Variants in PARVA observed in about 807,000 individuals in gnomAD.
PARVA encodes parvin alpha, also known as alpha-parvin.
PARVA carries 25 observed loss-of-function variants against 52.6 expected under a neutral mutation model. That is an observed-to-expected ratio of 0.48 (90% CI 0.35 to 0.66). The LOEUF (loss-of-function observed/expected upper bound fraction) is 0.66, where lower values mean the gene tolerates loss of function less well. Among genes scored for constraint, PARVA ranks in the 30% least tolerant of loss-of-function variants. The probability of loss-of-function intolerance (pLI) is 0.01; values close to 1 mark genes in which losing one functional copy is unlikely to be tolerated. For missense variants in PARVA, 373 were observed against 450.9 expected, an observed-to-expected ratio of 0.83 and a Z score of 1.56; for synonymous variants, 185 against 179.1, an observed-to-expected ratio of 1.03 and a Z score of -0.26.
chr11:12,427,397 G>A (rs1940252362), intron 1 of PARVA, among the ~76,000 whole-genome samples: 1 of 152,176 alleles, frequency 6.6e-6, no homozygotes, highest in Non-Finnish European at 1.5e-5. Context: ...CAGTCTTCAT[G>A]ACCCTGTTCA....
At chr11:12,421,775 A>G (rs547032311) in intron 1 of PARVA, among the ~76,000 whole-genome samples, 1 of 152,364 alleles carries the variant, frequency 6.6e-6, no homozygotes, top group East Asian at 1.9e-4. Context: ...TCCATTCCTT[A>G]ATCCACATAA....
intron 1 of PARVA, among the ~76,000 whole-genome samples, chr11:12,381,333 G>A (rs1268527073): frequency 2.6e-5 from 4 of 152,058 alleles, no homozygotes; most frequent in African/African-American, 9.7e-5. Context: ...TTTCTCTTTG[G>A]TGTTCTTGAA....
chr11:12,416,124 C>T (rs1940061791), intron 1 of PARVA, among the ~76,000 whole-genome samples: 1 of 152,154 alleles, frequency 6.6e-6, no homozygotes, highest in African/African-American at 2.4e-5. Context: ...CTTGGTGAAA[C>T]TGATGGACTA....
At chr11:12,502,668 C>T (rs937544824) in intron 5 of PARVA, among the ~76,000 whole-genome samples, 1 of 151,924 alleles carries the variant, frequency 6.6e-6, no homozygotes, top group African/African-American at 2.4e-5. Context: ...TGTCGAGAGG[C>T]AGGAATGATA....
intron 5 of PARVA, among the ~76,000 whole-genome samples, chr11:12,498,200 ATTTC>A (rs1288284582): frequency 6.6e-6 from 1 of 151,778 alleles, no homozygotes; most frequent in Non-Finnish European, 1.5e-5. Context: ...AGCCCAGCTA[ATTTC>A]TTTTGTATTT....
intron 11 of PARVA, 75 bp from the exon 12 acceptor site, chr11:12,518,370 C>T (rs1941596878): frequency 3.7e-6 from 4 of 1,087,010 alleles, no homozygotes; most frequent in Admixed American, 3.7e-5. Flanking sequence ...GTGCTGGGCT[C>T]CTTCACTTCC....
chr11:12,378,424 C>T (rs572531320), intron 1 of PARVA, among the ~76,000 whole-genome samples: 19 of 152,250 alleles, frequency 1.2e-4, no homozygotes, highest in African/African-American at 4.6e-4. Context: ...CTAGCGTGCC[C>T]TCGGTGTAAT....
intron 1 of PARVA, among the ~76,000 whole-genome samples, chr11:12,414,272 G>A (rs1025457343): frequency 6.6e-5 from 10 of 152,156 alleles, no homozygotes; most frequent in African/African-American, 2.2e-4. Context: ...AGAGATGCCC[G>A]TTAGGAGTTT....
At chr11:12,525,679 C>G (rs1410898265) in intron 12 of PARVA, among the ~76,000 whole-genome samples, 2 of 152,108 alleles carry the variant, frequency 1.3e-5, no homozygotes, top group Non-Finnish European at 2.9e-5. Flanking sequence ...TCAGCATTAG[C>G]AAGGCAAGGT....
In PARVA at chr11:12,513,370, G is replaced by A. The variant is rs765697637; in HGVS notation, c.798+10G>A. ...GAATGTGGTGAAAAAGGTGGGAAAGGGGTGCCTGGGATGGACAGAGGGAAG... is the reference window on the plus strand; with the variant it reads ...GAATGTGGTGAAAAAGGTGGGAAAGAGGTGCCTGGGATGGACAGAGGGAAG... On this transcript the variant is annotated intron_variant, in intron 9 of 12. Transcript: ENST00000334956. 7.4e-6 allele frequency: 12 copies of A among 1,612,722 alleles called. No individual in the cohort carries two copies. Among genetic ancestry groups the A allele is most frequent in the Non-Finnish European group, 1.0e-5 (12 of 1,178,682 alleles).
chr11:12,430,811 C>T (rs953976016), intron 1 of PARVA, among the ~76,000 whole-genome samples: 7 of 152,182 alleles, frequency 4.6e-5, no homozygotes, highest in Admixed American at 1.3e-4. Flanking sequence ...CCCTCCTGAT[C>T]TCACCTCCTA....
chr11:12,446,260 C>T (rs1287486495), intron 1 of PARVA, among the ~76,000 whole-genome samples: 1 of 152,152 alleles, frequency 6.6e-6, no homozygotes, highest in East Asian at 1.9e-4. Context: ...CACAGCTGTA[C>T]ACAAATCCTA....
chr11:12,465,844 A>G (rs1243553803), intron 1 of PARVA, among the ~76,000 whole-genome samples: 1 of 152,260 alleles, frequency 6.6e-6, no homozygotes, highest in African/African-American at 2.4e-5. Context: ...TTTTGTGTGA[A>G]CATGTTTTCA....
At position 12,467,500 on chromosome 11, in the gene PARVA, G is replaced by C. The variant is rs77099449; in HGVS notation, c.137-6245G>C. On this transcript the variant is annotated intron_variant, in intron 1 of 12. Transcript: ENST00000334956. ...TTCTCAACATAATGTATGATGTTAG[G>C]CTGTAGGGTTTAATTTTTTTGTTGT... Among the ~76,000 whole-genome samples, 1,347 of 152,262 alleles carry C rather than the reference G, an allele frequency of 8.8e-3. 23 individuals are homozygous for C. Among genetic ancestry groups the C allele is most frequent in the African/African-American group, 0.031 (1,274 of 41,554 alleles).
At chr11:12,455,585 T>G (rs1940684506) in intron 1 of PARVA, among the ~76,000 whole-genome samples, 1 of 152,190 alleles carries the variant, frequency 6.6e-6, no homozygotes, top group Non-Finnish European at 1.5e-5. Flanking sequence ...AGAAATCTAT[T>G]GCTTACTGGT....
intron 5 of PARVA, among the ~76,000 whole-genome samples, chr11:12,501,708 C>A (rs182112216): frequency 2.0e-5 from 3 of 152,278 alleles, no homozygotes; most frequent in African/African-American, 7.2e-5. Context: ...ACAGTAACAT[C>A]TTTGTACACG....
At chr11:12,377,841 G>A in intron 1 of PARVA, 58 bp downstream of exon 1, 8 of 1,356,714 alleles carry the variant, frequency 5.9e-6, no homozygotes, top group East Asian at 3.3e-5. Flanking sequence ...CGTAGGGGCC[G>A]AGGGGCCGGG....
intron 1 of PARVA, among the ~76,000 whole-genome samples, chr11:12,420,185 C>T (rs1325725292): frequency 6.6e-6 from 1 of 152,122 alleles, no homozygotes; most frequent in Non-Finnish European, 1.5e-5. Flanking sequence ...CTGGGAGACT[C>T]AGCTTCTAAT....
intron 5 of PARVA, among the ~76,000 whole-genome samples, chr11:12,502,156 G>A (rs1941370677): frequency 6.6e-6 from 1 of 152,172 alleles, no homozygotes; most frequent in African/African-American, 2.4e-5. Flanking sequence ...GAAACCTTCT[G>A]GAAGGCTAGG....
Sources: allele counts gnomAD v4.1 joint callset (sites outside exome capture counted in the v4.1 genomes callset), GRCh38; gene constraint gnomAD v4.1.1; transcripts MANE v1.5; gene names NCBI Gene and HGNC (gene_info 2026-07-23, HGNC 2026-07-21).